ATR: variants seen among roughly 807,000 people sequenced by gnomAD.
ATR encodes serine/threonine-protein kinase ATR.
In ATR, 142 loss-of-function variants were observed where a neutral mutation model predicts 305.3. The ratio of observed to expected loss-of-function variants is 0.47; its 90% CI spans 0.41 to 0.53. ATR has a LOEUF of 0.53. ATR is among the 20% of genes least tolerant of loss of function. The pLI is 0.00. For synonymous variants in ATR, 1,050 were observed against 1,068.1 expected, an observed-to-expected ratio of 0.98 and a Z score of 0.33; for missense variants, 2,135 against 3,133.1, an observed-to-expected ratio of 0.68 and a Z score of 7.60.
At chr3:142,463,351 T>C (rs906017174) in intron 41 of ATR, among the ~76,000 whole-genome samples, 3 of 152,222 alleles carry the variant, frequency 2.0e-5, no homozygotes, top group African/African-American at 7.2e-5. Flanking sequence ...AACATACTAA[T>C]GGTTCAGTAG....
intron 46 of ATR, chr3:142,451,348 AT>A: frequency 1.5e-6 from 2 of 1,324,728 alleles, no homozygotes; most frequent in Non-Finnish European, 9.8e-7. Flanking sequence ...AATTTTCAAG[AT>A]TTAGTGGAAG....
chr3:142,528,877 A>ATTTTTTT lies in ATR; in HGVS notation c.3946-4679_3946-4678insAAAAAAA, dbSNP rs201313146. On this transcript the variant is annotated intron_variant, in intron 21 of 46. Transcript: ENST00000350721. ...ATCATATATATATATATATATATAT[A>ATTTTTTT]TATTTTTTTTTTTTTTTTTTTTTTG... Among the ~76,000 whole-genome samples, 266 of 47,668 alleles carry ATTTTTTT rather than the reference A, an allele frequency of 5.6e-3. 9 individuals are homozygous for ATTTTTTT. The highest frequency in any genetic ancestry group is 0.017 in the Middle Eastern group (1 of 60). The allele number at this position is 47,668 out of a possible 152,430, so 31.3% of individuals were successfully genotyped here. A position where few individuals can be genotyped will look rare whatever the true frequency, so the allele number is the denominator to read the frequency against.
chr3:142,526,878 TC>T (rs2033414728), intron 21 of ATR, among the ~76,000 whole-genome samples: 1 of 151,410 alleles, frequency 6.6e-6, no homozygotes, highest in Admixed American at 6.6e-5. Context: ...AGCCTCAAAC[TC>T]CCCAGGCCAA....
chr3:142,562,425 CAG>C lies in ATR; in HGVS notation c.975_976del (p.Val327HisfsTer3), dbSNP rs759554602. The C allele has an allele frequency of 6.8e-6, 11 of 1,614,134 alleles. No homozygotes were observed. The highest frequency in any genetic ancestry group is 9.3e-6 in the Non-Finnish European group (11 of 1,180,006). ...GAGCACACCGTCTTCAAACATGACA[CAG>C]AGTTTTTCCAGCAGCATATTTAAAT... On this transcript the variant is annotated frameshift_variant, in exon 4 of 47. Transcript: ENST00000350721. LOFTEE classifies it high-confidence loss of function.
intron 6 of ATR, 136 bp downstream of exon 6, chr3:142,560,127 A>T: frequency 1.2e-6 from 1 of 839,228 alleles, no homozygotes; most frequent in South Asian, 1.5e-5. Context: ...TTGACTCAAT[A>T]GAAAATAAAT....
Position 142,449,344 on chromosome 3 carries a change from T to A in ATR, c.*85A>T. ...CTGAGAACGTAAATTTATGTTGTAC[T>A]TTAGAATTGAACAGATACAACCACA... On this transcript the variant is annotated 3_prime_UTR_variant, in exon 47 of 47. Coordinates refer to ENST00000350721, the MANE Select transcript of ATR (RefSeq NM_001184.4). 7.6e-7 allele frequency: 1 copy of A among 1,309,702 alleles called. No individual in the cohort carries two copies. The highest frequency in any genetic ancestry group is 1.2e-5 in the South Asian group (1 of 81,018). 81.1% of individuals were successfully genotyped at this position (1,309,702 alleles called of 1,614,324 possible). A position where few individuals can be genotyped will look rare whatever the true frequency, so the allele number is the denominator to read the frequency against.
rs2034795141 is a variant in ATR at position 142,559,313 on chromosome 3, A to G, written c.1670T>C (p.Leu557Pro). The change falls in exon 7 of 47, where the codon CTG becomes CCG. Residue 557 changes from leucine (L) to proline (P), a missense_variant. Physicochemically the swap from Leu to Pro is moderately conservative, Grantham distance 98. Around this residue, in one of 9 missense-constraint regions of ATR, gnomAD observed 744 missense variants for 873.2 expected, o/e 0.85. Coordinates refer to ENST00000350721, the MANE Select transcript of ATR (RefSeq NM_001184.4). ...CTTATCAATGGTTGCCTCCAGGTCC[A>G]GTTTCTGAACAGATTCTAACAAACT... Reference protein sequence around the residue: ...CRSLLESVQKLDLEATIDKVV... With the variant: ...CRSLLESVQKPDLEATIDKVV... 6.2e-7 allele frequency: 1 copy of G among 1,614,080 alleles called. No individual in the cohort carries two copies. The highest frequency in any genetic ancestry group is 1.3e-5 in the African/African-American group (1 of 75,066).
chr3:142,491,590 C>T (rs1327417817), intron 35 of ATR, among the ~76,000 whole-genome samples: 1 of 152,176 alleles, frequency 6.6e-6, no homozygotes, highest in Non-Finnish European at 1.5e-5. Context: ...GAAGGTGAAA[C>T]TTACAAGTAT....
chr3:142,499,271 A>T, intron 31 of ATR: 1 of 306,756 alleles, frequency 3.3e-6, no homozygotes, highest in South Asian at 3.1e-5. Context: ...CTTAAGTCTG[A>T]ATATTTATGT....
At chr3:142,494,283 C>T (rs1428364109) in intron 34 of ATR, among the ~76,000 whole-genome samples, 1 of 152,052 alleles carries the variant, frequency 6.6e-6, no homozygotes, top group African/African-American at 2.4e-5. Flanking sequence ...ATCCTGGGAC[C>T]AATCCCTCCA....
At chr3:142,500,436 CTCA>C (rs1490454788) in intron 30 of ATR, among the ~76,000 whole-genome samples, 1 of 152,078 alleles carries the variant, frequency 6.6e-6, no homozygotes, top group East Asian at 1.9e-4. Flanking sequence ...CTAGGCTTTC[CTCA>C]TGTTTCTTTT....
intron 32 of ATR, among the ~76,000 whole-genome samples, chr3:142,498,160 C>G (rs1190154074): frequency 6.6e-6 from 1 of 151,996 alleles, no homozygotes; most frequent in Non-Finnish European, 1.5e-5. Flanking sequence ...AAATGTTTTC[C>G]AACATTTTCT....
intron 12 of ATR, 35 bp from the exon 13 acceptor site, chr3:142,553,433 AACAC>A (rs56873611): frequency 5.8e-4 from 813 of 1,400,214 alleles, no homozygotes; most frequent in African/African-American, 2.6e-3. Context: ...TGAATACACA[AACAC>A]ACACACACAC....
At chr3:142,511,123 A>G (rs1376915400) in intron 27 of ATR, among the ~76,000 whole-genome samples, 1 of 152,200 alleles carries the variant, frequency 6.6e-6, no homozygotes, top group African/African-American at 2.4e-5. Context: ...ATCTCCCTTG[A>G]AATTTAAAAC....
At chr3:142,467,791 A>T (rs2071164037) in intron 39 of ATR, 143 bp downstream of exon 39, 2 of 939,920 alleles carry the variant, frequency 2.1e-6, no homozygotes, top group East Asian at 2.9e-5. Context: ...AAGACAAATC[A>T]TACATAATTA....
At chr3:142,459,521 C>A in intron 42 of ATR, 138 bp from the exon 43 acceptor site, 2 of 973,798 alleles carry the variant, frequency 2.1e-6, no homozygotes. Context: ...GAACATTTTT[C>A]AATTAAGCAT....
chr3:142,452,313 CTT>C (rs2070809492), intron 46 of ATR: 1 of 987,738 alleles, frequency 1.0e-6, no homozygotes, highest in Admixed American at 6.1e-5. Flanking sequence ...CTGTACAAGA[CTT>C]ATTAAAGATG....
intron 19 of ATR, among the ~76,000 whole-genome samples, chr3:142,537,195 A>G (rs2033890536): frequency 6.6e-6 from 1 of 151,782 alleles, no homozygotes; most frequent in Non-Finnish European, 1.5e-5. Context: ...GGTTCAAACA[A>G]TCTTCCTGCC....
intron 40 of ATR, 165 bp from the exon 41 acceptor site, chr3:142,465,405 A>G (rs578058836): frequency 2.1e-6 from 1 of 468,756 alleles, no homozygotes; most frequent in Non-Finnish European, 3.7e-6. Context: ...TCTATGACCT[A>G]TGAAAAGAAT....
Sources: gnomAD v4.1 joint callset for allele counts (sites outside exome capture counted in the v4.1 genomes callset) on GRCh38, gnomAD v4.1.1 for gene constraint, gnomAD v4.1.1 regional missense constraint, MANE v1.5 for transcripts, NCBI Gene and HGNC (gene_info 2026-07-23, HGNC 2026-07-21) for gene names.